The following MCCD1 variants were observed in gnomAD, a reference collection of about 807,000 sequenced individuals.
MCCD1 encodes mitochondrial coiled-coil domain 1, also known as mitochondrial coiled-coil domain protein 1.
A neutral mutation model predicts 5.6 loss-of-function variants in MCCD1; 5 were observed. The ratio of observed to expected loss-of-function variants is 0.89; its 90% CI spans 0.46 to 1.87. The LOEUF (loss-of-function observed/expected upper bound fraction) is 1.87. Ranked by LOEUF, MCCD1 falls within the 40% of genes most tolerant of loss-of-function variation. MCCD1 has a pLI of 0.01. For missense variants in MCCD1, 178 were observed against 141.8 expected, an observed-to-expected ratio of 1.26 and a Z score of -1.30; for synonymous variants, 70 against 57.3, an observed-to-expected ratio of 1.22 and a Z score of -1.00.
chr6:31,529,501 T>G (rs1766891617), intron 1 of MCCD1, among the ~76,000 whole-genome samples: 1 of 152,052 alleles, frequency 6.6e-6, no homozygotes. Flanking sequence ...CATATCCTTG[T>G]TCAAGGAAGC....
intron 1 of MCCD1, among the ~76,000 whole-genome samples, chr6:31,529,401 C>A (rs2734587): frequency 6.8e-6 from 1 of 147,566 alleles, no homozygotes; most frequent in South Asian, 2.2e-4. Context: ...GCACAGTCCA[C>A]AAAGTCCTTG....
intron 1 of MCCD1, 127 bp downstream of exon 1, chr6:31,529,312 C>G: frequency 9.6e-7 from 1 of 1,046,106 alleles, no homozygotes. Flanking sequence ...TTTCTTAGTT[C>G]AGCTACCAAC....
Position 31,529,796 on chromosome 6 carries a change from T to C in MCCD1, c.221T>C (p.Leu74Ser). 5 of 1,579,342 alleles carry C rather than the reference T, an allele frequency of 3.2e-6. No homozygotes were observed. Among genetic ancestry groups the C allele is most frequent in the Non-Finnish European group, 4.3e-6 (5 of 1,159,856 alleles). ...TAELARAEEL[L>S]EQQLELYQAL... Reference sequence around the variant, plus strand: ...GAGCTGGCCCGAGCTGAAGAGTTGTTGGAGCAGCAGCTGGAGCTGTACCAG... The same window carrying C: ...GAGCTGGCCCGAGCTGAAGAGTTGTCGGAGCAGCAGCTGGAGCTGTACCAG... The change falls in exon 2 of 2, where the codon TTG (leucine) becomes TCG (serine). Residue 74 changes from leucine (L) to serine (S), a missense_variant. Leu to Ser is a moderately radical substitution (Grantham distance 145). Transcript: ENST00000376191.
intron 1 of MCCD1, 53 bp downstream of exon 1, chr6:31,529,238 T>A: frequency 6.4e-7 from 1 of 1,563,254 alleles, no homozygotes; most frequent in Non-Finnish European, 8.7e-7. Flanking sequence ...CACTGGGGTG[T>A]GGGAAAAAAA....
chr6:31,529,444 A>C (rs1317186227), intron 1 of MCCD1, among the ~76,000 whole-genome samples: 2 of 150,222 alleles, frequency 1.3e-5, no homozygotes, highest in Admixed American at 6.7e-5. Context: ...CTAACAGTTA[A>C]TTATTTCTTA....
chr6:31,529,901 G>T lies in MCCD1; in HGVS notation c.326G>T (p.Arg109Met). ...ATCCAGAAGCTGAAGGAACAGATGAGGAGGCACCAAGAGAGCCTTGGAGGA... is the reference window on the plus strand; with the variant it reads ...ATCCAGAAGCTGAAGGAACAGATGATGAGGCACCAAGAGAGCCTTGGAGGA... ...LKIQKLKEQM[R>M]RHQESLGGGA Residue 109 changes from arginine (R) to methionine (M), a missense_variant, in exon 2 of 2, where the codon AGG becomes ATG. Physicochemically the swap from Arg to Met is moderately conservative, Grantham distance 91. Transcript: ENST00000376191. 6.4e-7 allele frequency: 1 copy of T among 1,553,470 alleles called. No homozygotes were observed. Among genetic ancestry groups the T allele is most frequent in the South Asian group, 1.2e-5 (1 of 84,398 alleles).
chr6:31,530,151 T>G lies in MCCD1; in HGVS notation c.*216T>G, dbSNP rs1377477247. ...CACAGCAGGCAGGGCACCCAGGCCT[T>G]ATAGGAATTCACCCTGGACCATGCC... On this transcript the variant is annotated 3_prime_UTR_variant, in exon 2 of 2. Coordinates refer to ENST00000376191, the MANE Select transcript of MCCD1 (RefSeq NM_001011700.3). This position sits in a 1 kb window ranked among gnomAD's most constrained non-coding sequence, Gnocchi z 4.5. 65 of 999,686 alleles carry G rather than the reference T, an allele frequency of 6.5e-5. No individual in the cohort carries two copies. The East Asian group carries it at 1.8e-3, about 27-fold the overall frequency. The allele number at this position is 999,686 out of a possible 1,614,324, so 61.9% of individuals were successfully genotyped here.
Position 31,529,926 on chromosome 6 carries a change from A to C in MCCD1, c.351A>C (p.Gly117=), listed in dbSNP as rs1766955432. ...GGAGGCACCAAGAGAGCCTTGGAGG[A>C]GGCGCCTAAGTTTCCCCCAGTGCCC... ...QMRRHQESLG[G]GA Residue 117 remains glycine, a synonymous_variant, in exon 2 of 2, where the codon GGA becomes GGC. Coordinates refer to ENST00000376191, the MANE Select transcript of MCCD1 (RefSeq NM_001011700.3). The C allele has an allele frequency of 6.6e-7, 1 of 1,521,534 alleles. No individual in the cohort carries two copies. The highest frequency in any genetic ancestry group is 8.9e-7 in the Non-Finnish European group (1 of 1,129,276). 94.3% of individuals were successfully genotyped at this position (1,521,534 alleles called of 1,614,324 possible). A position where few individuals can be genotyped will look rare whatever the true frequency, so the allele number is the denominator to read the frequency against.
At chr6:31,529,692 C>A in intron 1 of MCCD1, 55 bp from the exon 2 acceptor site, 2 of 1,390,972 alleles carry the variant, frequency 1.4e-6, no homozygotes, top group South Asian at 3.6e-5. Flanking sequence ...CAAAGCTTCC[C>A]AGGGCCTCAG....
At chr6:31,529,206 G>C (rs117941656) in intron 1 of MCCD1, 21 bp downstream of exon 1, 18,715 of 1,607,570 alleles carry the variant, frequency 0.012, 169 homozygotes, top group South Asian at 0.034. Flanking sequence ...CCACAGGTAG[G>C]AACAGAGGGT....
chr6:31,530,035 GAGA>G lies in MCCD1; in HGVS notation c.*102_*104del. The G allele has an allele frequency of 3.5e-6, 5 of 1,427,098 alleles. No homozygotes were observed. The highest frequency in any genetic ancestry group is 3.7e-6 in the Non-Finnish European group (4 of 1,087,294). 88.4% of individuals were successfully genotyped at this position (1,427,098 alleles called of 1,614,324 possible). A position where few individuals can be genotyped will look rare whatever the true frequency, so the allele number is the denominator to read the frequency against. On this transcript the variant is annotated 3_prime_UTR_variant, in exon 2 of 2. Coordinates refer to ENST00000376191, the MANE Select transcript of MCCD1 (RefSeq NM_001011700.3). The surrounding 1 kb of genome is among the most constrained non-coding windows in gnomAD (Gnocchi z 4.5). ...AACACCCCAGCGTCTTCCCAGGCCAGAGAAAGTGGAAGAGACCACAAAGCGCAG... is the reference window on the plus strand; with the variant it reads ...AACACCCCAGCGTCTTCCCAGGCCAGAAGTGGAAGAGACCACAAAGCGCAG...
Position 31,529,136 on chromosome 6 carries a change from A to T in MCCD1, c.122A>T (p.Glu41Val). The T allele has an allele frequency of 6.2e-7, 1 of 1,612,740 alleles. No individual in the cohort carries two copies. The highest frequency in any genetic ancestry group is 8.5e-7 in the Non-Finnish European group (1 of 1,179,858). The change falls in exon 1 of 2, where the codon GAA becomes GTA. Residue 41 changes from glutamate to valine, a missense_variant. Coordinates refer to ENST00000376191, the MANE Select transcript of MCCD1 (RefSeq NM_001011700.3). The part of the protein sequence containing the change: ...CCSQNPKASM[E>V]EQTSSRGNGK... The stretch of plus-strand genomic sequence containing the variant: ...TCCCAAAACCCCAAAGCAAGCATGG[A>T]AGAGCAGACCAGCTCCAGAGGAAAT...
rs114009639 is a variant in MCCD1 at position 31,529,144 on chromosome 6, A to G, written c.130A>G (p.Thr44Ala). 9.6e-3 allele frequency: 15,435 copies of G among 1,612,612 alleles called. 181 individuals are homozygous for G. Among genetic ancestry groups the G allele is most frequent in the Middle Eastern group, 0.053 (319 of 6,056 alleles). ...QNPKASMEEQ[T>A]SSRGNGKMTS... is the part of the protein sequence containing the mutation. Reference sequence around the variant, plus strand: ...CCCCAAAGCAAGCATGGAAGAGCAGACCAGCTCCAGAGGAAATGGGAAGAT... The same window carrying G: ...CCCCAAAGCAAGCATGGAAGAGCAGGCCAGCTCCAGAGGAAATGGGAAGAT... The change falls in exon 1 of 2, where the codon ACC becomes GCC. Residue 44 changes from threonine to alanine, a missense_variant. Coordinates refer to ENST00000376191, the MANE Select transcript of MCCD1 (RefSeq NM_001011700.3).
chr6:31,529,855 G>A lies in MCCD1; in HGVS notation c.280G>A (p.Ala94Thr), dbSNP rs150676609. 2 of 1,583,086 alleles carry A rather than the reference G, an allele frequency of 1.3e-6. No homozygotes were observed. Among genetic ancestry groups the A allele is most frequent in the South Asian group, 2.3e-5 (2 of 86,702 alleles). ...LLEGQEGAWE[A>T]QALVLKIQKL... ...TGAAGGGCAGGAGGGAGCCTGGGAG[G>A]CCCAAGCCCTGGTGCTCAAGATCCA... is the stretch of plus-strand genomic sequence containing the variant. Residue 94 changes from alanine (A) to threonine (T), a missense_variant, in exon 2 of 2, where the codon GCC becomes ACC. Ala to Thr is a moderately conservative substitution (Grantham distance 58). Transcript: ENST00000376191.
In MCCD1 at chr6:31,530,008, T is replaced by TA; in HGVS notation, c.*76dup. 1 of 1,429,646 alleles carries TA rather than the reference T, an allele frequency of 7.0e-7. No homozygotes were observed. Among genetic ancestry groups the TA allele is most frequent in the Non-Finnish European group, 9.2e-7 (1 of 1,087,008 alleles). The allele number at this position is 1,429,646 out of a possible 1,614,324, so 88.6% of individuals were successfully genotyped here. ...CCACCCACCAGGAGCCTTGGGATCA[T>TA]AAACACCCCAGCGTCTTCCCAGGCC... On this transcript the variant is annotated 3_prime_UTR_variant, in exon 2 of 2. Transcript: ENST00000376191. The surrounding 1 kb of genome is among the most constrained non-coding windows in gnomAD (Gnocchi z 4.5).
rs769375928 is a variant in MCCD1 at position 31,529,898 on chromosome 6, TGAGGAGGCACCAAGAGAGCCTTG to T, written c.332_354del (p.His111ArgfsTer84). 6 of 1,555,958 alleles carry T rather than the reference TGAGGAGGCACCAAGAGAGCCTTG, an allele frequency of 3.9e-6. No homozygotes were observed. Among genetic ancestry groups the T allele is most frequent in the Non-Finnish European group, 5.2e-6 (6 of 1,150,446 alleles). ...AAGATCCAGAAGCTGAAGGAACAGA[TGAGGAGGCACCAAGAGAGCCTTG>T]GAGGAGGCGCCTAAGTTTCCCCCAG... is the stretch of plus-strand genomic sequence containing the variant. On this transcript the variant is annotated frameshift_variant, in exon 2 of 2. Transcript: ENST00000376191. LOFTEE classifies it low-confidence loss of function (END_TRUNC).
At position 31,530,034 on chromosome 6, in the gene MCCD1, A is replaced by G; in HGVS notation, c.*99A>G. On this transcript the variant is annotated 3_prime_UTR_variant, in exon 2 of 2. Coordinates refer to ENST00000376191, the MANE Select transcript of MCCD1 (RefSeq NM_001011700.3). The surrounding 1 kb of genome is among the most constrained non-coding windows in gnomAD (Gnocchi z 4.5). ...AAACACCCCAGCGTCTTCCCAGGCC[A>G]GAGAAAGTGGAAGAGACCACAAAGC... The G allele has an allele frequency of 7.0e-7, 1 of 1,427,454 alleles. No individual in the cohort carries two copies. The highest frequency in any genetic ancestry group is 9.2e-7 in the Non-Finnish European group (1 of 1,087,400). The allele number at this position is 1,427,454 out of a possible 1,614,324, so 88.4% of individuals were successfully genotyped here.
Position 31,529,782 on chromosome 6 carries a change from A to C in MCCD1, c.207A>C (p.Arg69=). The change falls in exon 2 of 2, where the codon CGA becomes CGC. Residue 69 remains arginine, a synonymous_variant. Transcript: ENST00000376191. ...CCCACCGCACAGCTGAGCTGGCCCG[A>C]GCTGAAGAGTTGTTGGAGCAGCAGC... is the stretch of plus-strand genomic sequence containing the variant. ...PGTHRTAELA[R]AEELLEQQLE... The C allele has an allele frequency of 6.4e-7, 1 of 1,566,410 alleles. No individual in the cohort carries two copies. Among genetic ancestry groups the C allele is most frequent in the South Asian group, 1.2e-5 (1 of 86,898 alleles).
Position 31,529,795 on chromosome 6 carries a change from T to G in MCCD1, c.220T>G (p.Leu74Val), listed in dbSNP as rs147537348. The G allele has an allele frequency of 5.7e-6, 9 of 1,578,482 alleles. No homozygotes were observed. Among genetic ancestry groups the G allele is most frequent in the African/African-American group, 1.4e-5 (1 of 73,654 alleles). Residue 74 changes from leucine to valine, a missense_variant, in exon 2 of 2, where the codon TTG becomes GTG. Leu to Val is a conservative substitution (Grantham distance 32). Coordinates refer to ENST00000376191, the MANE Select transcript of MCCD1 (RefSeq NM_001011700.3). The part of the protein sequence containing the change: ...TAELARAEEL[L>V]EQQLELYQAL... ...TGAGCTGGCCCGAGCTGAAGAGTTG[T>G]TGGAGCAGCAGCTGGAGCTGTACCA...
Sources: gnomAD v4.1 joint callset for allele counts (sites outside exome capture counted in the v4.1 genomes callset) on GRCh38, gnomAD v4.1.1 for gene constraint, Gnocchi (gnomAD v3.1) non-coding constraint, MANE v1.5 for transcripts, NCBI Gene and HGNC (gene_info 2026-07-23, HGNC 2026-07-21) for gene names.